The following PUDP variants were observed in gnomAD, a reference collection of about 807,000 sequenced individuals.
The protein encoded by PUDP is pseudouridine-5'-phosphatase.
In PUDP, 8 loss-of-function variants were observed where a neutral mutation model predicts 9.4. The ratio of observed to expected loss-of-function variants is 0.85; its 90% CI spans 0.50 to 1.53. The LOEUF (loss-of-function observed/expected upper bound fraction) is 1.53. PUDP is among the 40% of genes most tolerant of loss of function. The probability of loss-of-function intolerance (pLI) is 0.00; values close to 1 mark genes in which losing one functional copy is unlikely to be tolerated. For missense variants in PUDP, 188 were observed against 189.7 expected (o/e 0.99, Z 0.05); for synonymous variants, 99 against 80.7 (o/e 1.23, Z -1.22).
At chrX:6,848,859 G>C (rs1272210484) in intron 3 of PUDP, among the ~76,000 whole-genome samples, 2 of 112,321 alleles carry the variant, frequency 1.8e-5, no homozygotes, top group African/African-American at 6.5e-5. Context: ...TGCTTGTAGA[G>C]CCTACAGAAC....
chrX:6,788,776 A>G (rs190731860), intron 3 of PUDP, among the ~76,000 whole-genome samples: 338 of 112,516 alleles, frequency 3.0e-3, no homozygotes, highest in Non-Finnish European at 5.1e-3. Flanking sequence ...ACAAGTAAAT[A>G]GGTATATTTT....
intron 3 of PUDP, among the ~76,000 whole-genome samples, chrX:6,882,077 G>A (rs750940257): frequency 2.3e-4 from 24 of 106,318 alleles, no homozygotes; most frequent in Non-Finnish European, 3.5e-4. Context: ...GAGTTCAAGC[G>A]ATTCTCCTGC....
intron 3 of PUDP, among the ~76,000 whole-genome samples, chrX:6,828,238 C>T (rs756690104): frequency 2.7e-5 from 3 of 111,277 alleles, no homozygotes; most frequent in Admixed American, 9.6e-5. Flanking sequence ...AAGATGTCAG[C>T]GAAAATAAGT....
chrX:7,095,230 C>T (rs1196014222), intron 2 of PUDP, among the ~76,000 whole-genome samples: 1 of 112,358 alleles, frequency 8.9e-6, no homozygotes, highest in East Asian at 2.8e-4. Context: ...CGAGGCCAGC[C>T]TCCATAATCA....
intron 1 of PUDP, among the ~76,000 whole-genome samples, chrX:6,709,603 G>GC (rs1267379288): frequency 1.8e-5 from 2 of 111,921 alleles, no homozygotes; most frequent in Non-Finnish European, 3.8e-5. Context: ...AGAAGTCTCA[G>GC]CCCCCTCCTT....
At chrX:6,713,733 C>A (rs1048896645) in intron 1 of PUDP, among the ~76,000 whole-genome samples, 1 of 110,608 alleles carries the variant, frequency 9.0e-6, no homozygotes, top group Non-Finnish European at 1.9e-5. Context: ...CAGGCCAGGG[C>A]ATAGGGTGTG....
chrX:7,137,831 C>T (rs1330682909), intron 1 of PUDP, among the ~76,000 whole-genome samples: 3 of 112,000 alleles, frequency 2.7e-5, no homozygotes, highest in Non-Finnish European at 5.6e-5. Flanking sequence ...CCTCTTCCTG[C>T]CTAAGGGTTC....
At chrX:7,098,680 C>T (rs1931641350) in intron 2 of PUDP, among the ~76,000 whole-genome samples, 1 of 111,461 alleles carries the variant, frequency 9.0e-6, no homozygotes, top group Non-Finnish European at 1.9e-5. Flanking sequence ...GCCACACCTG[C>T]TCCCTCCCCT....
chrX:6,811,083 G>A (rs1230582010), intron 3 of PUDP, among the ~76,000 whole-genome samples: 1 of 111,646 alleles, frequency 9.0e-6, no homozygotes, highest in Non-Finnish European at 1.9e-5. Flanking sequence ...ACCCCTTGCT[G>A]CTCTTACTCA....
chrX:6,945,209 G>C (rs1293946561), intron 3 of PUDP, among the ~76,000 whole-genome samples: 1 of 111,054 alleles, frequency 9.0e-6, no homozygotes, highest in African/African-American at 3.3e-5. Flanking sequence ...TACCGGGTGA[G>C]TGGACCCTAG....
At chrX:6,861,982 C>T (rs1397606444) in intron 3 of PUDP, among the ~76,000 whole-genome samples, 2 of 111,651 alleles carry the variant, frequency 1.8e-5, no homozygotes, top group Non-Finnish European at 3.8e-5. Context: ...GCCAGACATG[C>T]TTAGTGAGAG....
intron 1 of PUDP, among the ~76,000 whole-genome samples, chrX:7,144,695 T>C (rs997807060): frequency 9.0e-6 from 1 of 111,731 alleles, no homozygotes; most frequent in Non-Finnish European, 1.9e-5. Flanking sequence ...AAAGGTGAAG[T>C]AGAAGTCACT....
At position 6,827,012 on chromosome X, in the gene PUDP, G is replaced by A. The variant is rs1163861448; in HGVS notation, c.*248-120546C>T. 2.7e-5 allele frequency among the ~76,000 whole-genome samples: 3 copies of A among 112,095 alleles called. No individual in the cohort carries two copies. In the South Asian group the frequency reaches 1.1e-3, roughly 42 times the overall value. ...ATGGAAGCAGTGATTGTTAGGGATTGTCATGGACACAGCTCTCCAGACAGC... is the reference window on the plus strand; with the variant it reads ...ATGGAAGCAGTGATTGTTAGGGATTATCATGGACACAGCTCTCCAGACAGC... On this transcript the variant is annotated intron_variant and NMD_transcript_variant, in intron 3 of 3. Transcript: ENST00000655425.
At chrX:6,806,151 T>G (rs1261535418) in intron 3 of PUDP, among the ~76,000 whole-genome samples, 2 of 111,316 alleles carry the variant, frequency 1.8e-5, no homozygotes, top group Non-Finnish European at 3.8e-5. Flanking sequence ...AAGGTGTGAT[T>G]TGCTTTTTTA....
At chrX:7,133,911 T>C (rs1337309672) in intron 1 of PUDP, among the ~76,000 whole-genome samples, 1 of 112,207 alleles carries the variant, frequency 8.9e-6, no homozygotes, top group African/African-American at 3.2e-5. Context: ...CCTAATGGTA[T>C]AAGGGGATGC....
At chrX:6,798,572 G>A (rs1925881280) in intron 3 of PUDP, among the ~76,000 whole-genome samples, 1 of 111,912 alleles carries the variant, frequency 8.9e-6, no homozygotes, top group Admixed American at 9.5e-5. Flanking sequence ...AGATATTAAA[G>A]TATATTTTAA....
chrX:6,899,814 T>C (rs759720196), intron 3 of PUDP, among the ~76,000 whole-genome samples: 1 of 111,184 alleles, frequency 9.0e-6, no homozygotes, highest in Non-Finnish European at 1.9e-5. Context: ...CTATATCAGA[T>C]GGAAATGCCC....
intron 3 of PUDP, among the ~76,000 whole-genome samples, chrX:6,916,831 G>A (rs1927942786): frequency 8.9e-6 from 1 of 112,063 alleles, no homozygotes; most frequent in African/African-American, 3.2e-5. Context: ...TAACATGTGG[G>A]TTCCATTTAA....
At chrX:6,977,313 A>G (rs1248941369) in intron 2 of PUDP, among the ~76,000 whole-genome samples, 1 of 111,545 alleles carries the variant, frequency 9.0e-6, no homozygotes, top group African/African-American at 3.3e-5. Flanking sequence ...TGCTGGAATC[A>G]TCTAAGAGGA....
Sources: allele counts gnomAD v4.1 joint callset (sites outside exome capture counted in the v4.1 genomes callset), GRCh38; gene constraint gnomAD v4.1.1; transcripts MANE v1.5; gene names NCBI Gene and HGNC (gene_info 2026-07-23, HGNC 2026-07-21).